ZYG11A: variants seen among roughly 807,000 people sequenced by gnomAD.
The protein encoded by ZYG11A is zyg-11 family member A, cell cycle regulator, also known as protein zyg-11 homolog A.
In ZYG11A, 62 loss-of-function variants were observed where a neutral mutation model predicts 77.2. The observed-to-expected ratio is 0.80, with a 90% CI of 0.65 to 0.99. The LOEUF is 0.99. ZYG11A is among the 50% of genes least tolerant of loss of function. ZYG11A has a pLI of 0.00. For synonymous variants in ZYG11A, 315 were observed against 324.6 expected (o/e 0.97, Z 0.32); for missense variants, 828 against 896.8 (o/e 0.92, Z 0.98).
chr1:52,851,545 G>A (rs1279525037), intron 1 of ZYG11A, among the ~76,000 whole-genome samples: 1 of 147,568 alleles, frequency 6.8e-6, no homozygotes, highest in African/African-American at 2.5e-5. Flanking sequence ...TTACAGGCAC[G>A]AGCCACCACA....
chr1:52,874,626 G>C (rs1461309681), intron 8 of ZYG11A, among the ~76,000 whole-genome samples: 1 of 152,190 alleles, frequency 6.6e-6, no homozygotes, highest in African/African-American at 2.4e-5. Flanking sequence ...CAGCAACTTA[G>C]AAGGCTGAGG....
chr1:52,864,802 G>C (rs894151370), intron 5 of ZYG11A, among the ~76,000 whole-genome samples: 1 of 149,678 alleles, frequency 6.7e-6, no homozygotes, highest in Non-Finnish European at 1.5e-5. Context: ...TCGCCACCAT[G>C]CCTGGCTAAT....
At position 52,893,168 on chromosome 1, in the gene ZYG11A, T is replaced by G. The variant is rs1646574343; in HGVS notation, c.*211T>G. The G allele has an allele frequency of 3.9e-6, 2 of 519,210 alleles. No individual in the cohort carries two copies. Among genetic ancestry groups the G allele is most frequent in the Non-Finnish European group, 6.8e-6 (2 of 293,096 alleles). The allele number at this position is 519,210 out of a possible 1,614,324, so 32.2% of individuals were successfully genotyped here. A position where few individuals can be genotyped will look rare whatever the true frequency, so the allele number is the denominator to read the frequency against. On this transcript the variant is annotated 3_prime_UTR_variant, in exon 14 of 14. Coordinates refer to ENST00000371528, the MANE Select transcript of ZYG11A (RefSeq NM_001004339.3). Reference sequence around the variant, plus strand: ...TCATTCTGCAGCCTTTCAGCAGCAATTTTGAAGACTCAAACCGTGGACTCT... The same window carrying G: ...TCATTCTGCAGCCTTTCAGCAGCAAGTTTGAAGACTCAAACCGTGGACTCT...
chr1:52,851,169 C>T (rs1278843950), intron 1 of ZYG11A, among the ~76,000 whole-genome samples: 1 of 152,008 alleles, frequency 6.6e-6, no homozygotes, highest in Non-Finnish European at 1.5e-5. Context: ...CTCAGCTCCC[C>T]AGGTAGCTGG....
intron 1 of ZYG11A, among the ~76,000 whole-genome samples, chr1:52,846,322 A>C (rs1235507562): frequency 3.8e-4 from 2 of 5,270 alleles, no homozygotes; most frequent in African/African-American, 1.8e-3. Context: ...ATATATATAT[A>C]TATATATATA....
At chr1:52,870,306 G>A (rs1164306839) in intron 8 of ZYG11A, among the ~76,000 whole-genome samples, 2 of 150,970 alleles carry the variant, frequency 1.3e-5, no homozygotes, top group Non-Finnish European at 3.0e-5. Context: ...GACAATGGGC[G>A]GCCAGGCAGA....
chr1:52,880,791 T>G (rs1301766869), intron 10 of ZYG11A, among the ~76,000 whole-genome samples: 1 of 152,072 alleles, frequency 6.6e-6, no homozygotes, highest in Non-Finnish European at 1.5e-5. Context: ...GCAGTCTGAG[T>G]GAGGTTGGCA....
intron 2 of ZYG11A, among the ~76,000 whole-genome samples, chr1:52,856,594 T>C (rs1035067088): frequency 6.6e-6 from 1 of 152,174 alleles, no homozygotes; most frequent in Non-Finnish European, 1.5e-5. Context: ...AAAAATAATA[T>C]TAGTAGTGCT....
At position 52,894,718 on chromosome 1, in the gene ZYG11A, G is replaced by C. The variant is rs552701146; in HGVS notation, c.*1761G>C. On this transcript the variant is annotated 3_prime_UTR_variant, in exon 14 of 14. Transcript: ENST00000371528. ...CCAAACTATTACCAGAGTCCAACCA[G>C]ATAAGCAGAATTTGTAACCTTACTT... is the stretch of plus-strand genomic sequence containing the variant. The C allele has an allele frequency of 7.2e-5, 11 of 152,340 alleles. No individual in the cohort carries two copies. Among genetic ancestry groups the C allele is most frequent in the African/African-American group, 2.4e-4 (10 of 41,558 alleles). 9.4% of individuals were successfully genotyped at this position (152,340 alleles called of 1,614,324 possible).
Position 52,842,866 on chromosome 1 carries a change from C to T in ZYG11A, c.-18C>T, listed in dbSNP as rs1184140585. 2 of 1,528,392 alleles carry T rather than the reference C, an allele frequency of 1.3e-6. No homozygotes were observed. The highest frequency in any genetic ancestry group is 2.6e-5 in the East Asian group (1 of 37,858). The allele number at this position is 1,528,392 out of a possible 1,614,324, so 94.7% of individuals were successfully genotyped here. A position where few individuals can be genotyped will look rare whatever the true frequency, so the allele number is the denominator to read the frequency against. Reference sequence around the variant, plus strand: ...TCGACGCCGGCTCTCTTTTTGACGCCCCGCCGCCGGGGTTGCCATGGTTCA... The same window carrying T: ...TCGACGCCGGCTCTCTTTTTGACGCTCCGCCGCCGGGGTTGCCATGGTTCA... On this transcript the variant is annotated 5_prime_UTR_variant, in exon 1 of 14. Transcript: ENST00000371528.
intron 1 of ZYG11A, among the ~76,000 whole-genome samples, chr1:52,849,303 T>C (rs1015437714): frequency 8.5e-5 from 13 of 152,086 alleles, no homozygotes; most frequent in African/African-American, 3.1e-4. Context: ...CTCCTGACCT[T>C]GTGATCTGCC....
At chr1:52,847,762 T>G (rs2149984474) in intron 1 of ZYG11A, among the ~76,000 whole-genome samples, 1 of 147,272 alleles carries the variant, frequency 6.8e-6, no homozygotes, top group East Asian at 2.1e-4. Flanking sequence ...CTCTGCCTCC[T>G]GGGTTCAGGT....
At chr1:52,846,668 A>G (rs979326683) in intron 1 of ZYG11A, among the ~76,000 whole-genome samples, 1 of 151,792 alleles carries the variant, frequency 6.6e-6, no homozygotes, top group Non-Finnish European at 1.5e-5. Flanking sequence ...AATGTTATCT[A>G]TGTTAACATG....
Position 52,860,330 on chromosome 1 carries a change from T to C in ZYG11A, c.1009-401T>C, listed in dbSNP as rs575915629. ...CCCAAAGTGTTGGGATTACAGGCAT[T>C]AGCCACCACGCCTGGCGCTAGTCTC... On this transcript the variant is annotated intron_variant, in intron 3 of 13. Coordinates refer to ENST00000371528, the MANE Select transcript of ZYG11A (RefSeq NM_001004339.3). Among the ~76,000 whole-genome samples, 54 of 152,022 alleles carry C rather than the reference T, an allele frequency of 3.6e-4. 1 individual carries two copies. In the East Asian group the frequency reaches 9.7e-3, roughly 27 times the overall value.
chr1:52,872,876 C>G (rs532781283), intron 8 of ZYG11A, among the ~76,000 whole-genome samples: 22 of 101,158 alleles, frequency 2.2e-4, no homozygotes, highest in African/African-American at 9.1e-4. Flanking sequence ...GAGTGAGACT[C>G]TGTCTCAAAA....
At chr1:52,873,559 T>C (rs1014992902) in intron 8 of ZYG11A, among the ~76,000 whole-genome samples, 2 of 152,138 alleles carry the variant, frequency 1.3e-5, no homozygotes, top group African/African-American at 2.4e-5. Flanking sequence ...CAAAGACATA[T>C]TTTGAGATGG....
At chr1:52,844,158 C>T (rs547763768) in intron 1 of ZYG11A, among the ~76,000 whole-genome samples, 1 of 152,258 alleles carries the variant, frequency 6.6e-6, no homozygotes, top group South Asian at 2.1e-4. Flanking sequence ...AAAAAACCCG[C>T]CAAGGGCCAC....
intron 11 of ZYG11A, among the ~76,000 whole-genome samples, chr1:52,883,955 C>A (rs1478495146): frequency 6.6e-6 from 1 of 151,606 alleles, no homozygotes; most frequent in Non-Finnish European, 1.5e-5. Flanking sequence ...TCATAGCTCA[C>A]TGCCGCCTCT....
chr1:52,857,433 A>C lies in ZYG11A; in HGVS notation c.692A>C (p.Lys231Thr). ...CTGCTTACCTGTAAGGATCGATTGA[A>C]GTCTCTCACAATGCACTATCTGAAA... ...SALLTCKDRL[K>T]SLTMHYLKCL... is the part of the protein sequence containing the mutation. Residue 231 changes from lysine to threonine, a missense_variant, in exon 3 of 14, where the codon AAG (lysine) becomes ACG (threonine). Physicochemically the swap from Lys to Thr is moderately conservative, Grantham distance 78. Coordinates refer to ENST00000371528, the MANE Select transcript of ZYG11A (RefSeq NM_001004339.3). 1 of 1,552,118 alleles carries C rather than the reference A, an allele frequency of 6.4e-7. No homozygotes were observed. Among genetic ancestry groups the C allele is most frequent in the Non-Finnish European group, 8.7e-7 (1 of 1,147,056 alleles).
Sources: allele counts gnomAD v4.1 joint callset (sites outside exome capture counted in the v4.1 genomes callset), GRCh38; gene constraint gnomAD v4.1.1; transcripts MANE v1.5; gene names NCBI Gene and HGNC (gene_info 2026-07-23, HGNC 2026-07-21).